Variants in TNS1 observed in about 807,000 individuals in gnomAD.
The protein encoded by TNS1 is tensin 1, also known as tensin-1.
TNS1 carries 62 observed loss-of-function variants against 168.6 expected under a neutral mutation model. The observed-to-expected ratio is 0.37, with a 90% CI of 0.30 to 0.45. TNS1 has a LOEUF of 0.45. TNS1 is among the 20% of genes least tolerant of loss of function. The pLI is 1.00. For missense variants in TNS1, 2,240 were observed against 2,339.4 expected (o/e 0.96, Z 0.88); for synonymous variants, 934 against 933.2 (o/e 1.00, Z -0.02).
chr2:217,893,533 T>C lies in TNS1; in HGVS notation c.623A>G (p.His208Arg). ...KVLEFGWPDL[H>R]TPALEKICSI... ...GCAGATCTTCTCCAGGGCTGGGGTG[T>C]GGAGGTCGGGCCAGCCAAATTCCAG... Residue 208 changes from histidine to arginine, a missense_variant, in exon 10 of 33, where the codon CAC becomes CGC. This residue lies in a region of TNS1 where 2,131 missense variants were observed against 2,171.2 expected (regional missense o/e 0.98). Transcript: ENST00000682258. 6 of 1,612,708 alleles carry C rather than the reference T, an allele frequency of 3.7e-6. No homozygotes were observed. Among genetic ancestry groups the C allele is most frequent in the Non-Finnish European group, 5.1e-6 (6 of 1,179,530 alleles).
intron 3 of TNS1, among the ~76,000 whole-genome samples, chr2:217,945,085 C>T (rs1013093111): frequency 4.6e-5 from 7 of 152,152 alleles, no homozygotes; most frequent in African/African-American, 1.7e-4. Flanking sequence ...CAGGACTGTG[C>T]GGAGGACCTC....
intron 10 of TNS1, 52 bp downstream of exon 10, chr2:217,893,387 C>T: frequency 1.3e-6 from 2 of 1,522,432 alleles, no homozygotes; most frequent in Non-Finnish European, 1.8e-6. Flanking sequence ...CACATGTGCG[C>T]ATGTGCGCGC....
chr2:218,008,879 G>C (rs1958681948), intron 1 of TNS1, among the ~76,000 whole-genome samples: 1 of 151,626 alleles, frequency 6.6e-6, no homozygotes, highest in African/African-American at 2.4e-5. Flanking sequence ...CAATAACAAT[G>C]ATAATATCCC....
intron 18 of TNS1, among the ~76,000 whole-genome samples, chr2:217,856,342 G>C (rs895788313): frequency 1.3e-5 from 2 of 152,180 alleles, no homozygotes; most frequent in South Asian, 2.1e-4. Flanking sequence ...GGAAGACCCC[G>C]ACCTCCTGAA....
Position 218,033,800 on chromosome 2 carries a change from C to A in TNS1, c.156+20G>T, listed in dbSNP as rs978328846. Among the ~76,000 whole-genome samples the A allele has an allele frequency of 6.6e-6, 1 of 152,216 alleles. No homozygotes were observed. Among genetic ancestry groups the A allele is most frequent in the Non-Finnish European group, 1.5e-5 (1 of 68,026 alleles). On this transcript the variant is annotated intron_variant, in intron 1 of 1. Coordinates refer to the TNS1 transcript ENST00000649572. The surrounding 1 kb of genome is among the most constrained non-coding windows in gnomAD (Gnocchi z 4.3). ...TCCCGACTCGGGGCGTCGTCCCTCA[C>A]CCATTCCCGCAGCCCCTACCTGAAG...
chr2:217,853,211 G>A lies in TNS1; in HGVS notation c.1430-4124C>T, dbSNP rs544397804. On this transcript the variant is annotated intron_variant, in intron 18 of 32. Coordinates refer to ENST00000682258, the MANE Select transcript of TNS1 (RefSeq NM_001387777.1). ...AGGCAGGAAGGGCAAAAGAGAGACG[G>A]GGGCAGAGAGGACAGGAGTGAAATA... is the stretch of plus-strand genomic sequence containing the variant. 2.6e-5 allele frequency among the ~76,000 whole-genome samples: 4 copies of A among 152,302 alleles called. No homozygotes were observed. In the South Asian group the frequency reaches 6.2e-4, roughly 24 times the overall value.
intron 3 of TNS1, among the ~76,000 whole-genome samples, chr2:217,936,053 G>A (rs2125920098): frequency 6.6e-6 from 1 of 152,286 alleles, no homozygotes; most frequent in East Asian, 1.9e-4. Context: ...CAGGCACCTG[G>A]CCTTTGAGAC....
intron 1 of TNS1, among the ~76,000 whole-genome samples, chr2:218,018,857 T>A (rs1349590323): frequency 6.6e-6 from 1 of 152,170 alleles, no homozygotes; most frequent in Non-Finnish European, 1.5e-5. Flanking sequence ...GGCAGGCAGA[T>A]CACCAGGTCA....
chr2:217,858,535 C>T (rs1158323302), intron 18 of TNS1: 6 of 986,070 alleles, frequency 6.1e-6, no homozygotes, highest in South Asian at 4.7e-5. Context: ...GAGGGAAGCC[C>T]GCTCTGATTT....
chr2:217,874,319 T>C (rs542208282), intron 18 of TNS1, among the ~76,000 whole-genome samples: 2 of 152,238 alleles, frequency 1.3e-5, no homozygotes, highest in African/African-American at 4.8e-5. Flanking sequence ...CTACAGGTGT[T>C]TGGGGAGGAT....
intron 17 of TNS1, 30 bp from the exon 18 acceptor site, chr2:217,881,044 C>A: frequency 6.6e-7 from 1 of 1,504,944 alleles, no homozygotes; most frequent in Non-Finnish European, 9.3e-7. Flanking sequence ...CAGCGGCAGT[C>A]GGGGAGACAG....
chr2:218,004,527 G>A (rs1237009913), upstream of TNS1, among the ~76,000 whole-genome samples: 1 of 152,226 alleles, frequency 6.6e-6, no homozygotes, highest in African/African-American at 2.4e-5. Flanking sequence ...ACCCCAGAAT[G>A]AAGGGGAAAC....
upstream of TNS1, among the ~76,000 whole-genome samples, chr2:218,003,513 G>A (rs905660268): frequency 8.6e-5 from 13 of 151,170 alleles, no homozygotes; most frequent in African/African-American, 1.7e-4. Flanking sequence ...GTGCCCACGC[G>A]CCAAGCTCAG....
intron 1 of TNS1, among the ~76,000 whole-genome samples, chr2:218,030,472 G>A (rs1248936981): frequency 6.6e-6 from 1 of 152,226 alleles, no homozygotes; most frequent in African/African-American, 2.4e-5. Context: ...AACCCCCTGA[G>A]GGCAAGGACC....
chr2:218,022,315 A>AGGCCT (rs1480224166), intron 1 of TNS1, among the ~76,000 whole-genome samples: 1 of 152,150 alleles, frequency 6.6e-6, no homozygotes, highest in East Asian at 1.9e-4. Flanking sequence ...CACCATGCCC[A>AGGCCT]GGCCTGACGG....
At chr2:217,864,843 T>A (rs946856056) in intron 18 of TNS1, among the ~76,000 whole-genome samples, 1 of 152,262 alleles carries the variant, frequency 6.6e-6, no homozygotes, top group East Asian at 1.9e-4. Context: ...CACATATAAG[T>A]TGGGTTATCA....
chr2:217,852,427 C>T (rs148039752), intron 18 of TNS1, among the ~76,000 whole-genome samples: 59 of 152,336 alleles, frequency 3.9e-4, no homozygotes, highest in Admixed American at 9.1e-4. Flanking sequence ...TCATCCCCCA[C>T]GTTCATGCTC....
At chr2:217,897,729 C>A in intron 8 of TNS1, 69 bp downstream of exon 8, 1 of 1,461,974 alleles carries the variant, frequency 6.8e-7, no homozygotes. Flanking sequence ...GGATACCAGT[C>A]ATGTAGAGGT....
chr2:217,866,178 GA>G (rs1949254068), intron 18 of TNS1, among the ~76,000 whole-genome samples: 1 of 152,204 alleles, frequency 6.6e-6, no homozygotes, highest in Non-Finnish European at 1.5e-5. Flanking sequence ...CAGACCTAAA[GA>G]AAATGCTGCC....
Sources: allele counts gnomAD v4.1 joint callset (sites outside exome capture counted in the v4.1 genomes callset), GRCh38; gene constraint gnomAD v4.1.1; regional missense constraint gnomAD v4.1.1; non-coding constraint Gnocchi (gnomAD v3.1); transcripts MANE v1.5; gene names NCBI Gene and HGNC (gene_info 2026-07-23, HGNC 2026-07-21).